The following GPR37 variants were observed in gnomAD, a reference collection of about 807,000 sequenced individuals.
The protein encoded by GPR37 is G protein-coupled receptor 37, also known as prosaposin receptor GPR37.
Under a neutral mutation model 43.6 loss-of-function variants are expected in GPR37, and 20 were observed. The observed-to-expected ratio is 0.46, with a 90% CI of 0.32 to 0.67. GPR37 has a LOEUF of 0.67. Among genes scored for constraint, GPR37 ranks in the 30% least tolerant of loss-of-function variants. The pLI, the probability that GPR37 is intolerant of heterozygous loss-of-function variation, is 0.03. For missense variants in GPR37, 724 were observed against 797.2 expected, an observed-to-expected ratio of 0.91 and a Z score of 1.11; for synonymous variants, 315 against 322.6, an observed-to-expected ratio of 0.98 and a Z score of 0.25.
rs1162999566 is a variant in GPR37 at position 124,764,247 on chromosome 7, G to T, written c.730C>A (p.Arg244Ser). 3 of 1,597,060 alleles carry T rather than the reference G, an allele frequency of 1.9e-6. No individual in the cohort carries two copies. Among genetic ancestry groups the T allele is most frequent in the African/African-American group, 1.3e-5 (1 of 74,432 alleles). ...TAGAAGGGGTTCTTCAGTCTCACAC[G>T]CCGGTTCGTGCTGTTTCCCCGGCGG... ...GPRRGNSTNR[R>S]VRLKNPFYPL... The change falls in exon 1 of 2, where the codon CGT becomes AGT. Residue 244 changes from arginine (R) to serine (S), a missense_variant. Physicochemically the swap from Arg to Ser is moderately radical, Grantham distance 110. This residue lies in a region of GPR37 where 382 missense variants were observed against 355.4 expected (regional missense o/e 1.07). Transcript: ENST00000303921. This position sits in a 1 kb window ranked among gnomAD's most constrained non-coding sequence, Gnocchi z 5.4.
chr7:124,760,877 G>A (rs926279382), intron 1 of GPR37, among the ~76,000 whole-genome samples: 27 of 152,202 alleles, frequency 1.8e-4, no homozygotes, highest in African/African-American at 5.8e-4. Flanking sequence ...GCTACTGTAA[G>A]CTGGGCGTGG....
At chr7:124,755,383 C>T (rs993154365) in intron 1 of GPR37, among the ~76,000 whole-genome samples, 2 of 152,174 alleles carry the variant, frequency 1.3e-5, no homozygotes, top group Non-Finnish European at 2.9e-5. Flanking sequence ...ACCTTCTCTT[C>T]TTTTGCCTAA....
Position 124,763,955 on chromosome 7 carries a change from T to C in GPR37, c.1022A>G (p.Glu341Gly), listed in dbSNP as rs751877590. Residue 341 changes from glutamate (E) to glycine (G), a missense_variant and splice_region_variant, in exon 1 of 2, where the codon GAG becomes GGG. Physicochemically the swap from Glu to Gly is moderately conservative, Grantham distance 98. Coordinates refer to ENST00000303921, the MANE Select transcript of GPR37 (RefSeq NM_005302.5). ...DFSCKIVPYI[E>G]VASLGVTTFT... ...TTGAGAGCCCCTGGAAGGCATTACC[T>C]CTATATAGGGCACGATCTTGCAGGA... The C allele has an allele frequency of 1.2e-6, 2 of 1,613,626 alleles. No individual in the cohort carries two copies. The highest frequency in any genetic ancestry group is 1.7e-6 in the Non-Finnish European group (2 of 1,179,940).
rs757049028 is a variant in GPR37 at position 124,746,969 on chromosome 7, C to G, written c.1398G>C (p.Ala466=). 8.7e-6 allele frequency: 14 copies of G among 1,613,896 alleles called. No homozygotes were observed. Among genetic ancestry groups the G allele is most frequent in the Non-Finnish European group, 1.2e-5 (14 of 1,179,962 alleles). ...LFTITCSLVT[A]RKIRKAEKAC... is the part of the protein sequence containing the mutation. ...CTTTCTCTGCTTTGCGGATTTTCCT[C>G]GCAGTCACTAGAGAGCAGGTGATGG... Residue 466 remains alanine, a synonymous_variant, in exon 2 of 2, where the codon GCG becomes GCC. Coordinates refer to ENST00000303921, the MANE Select transcript of GPR37 (RefSeq NM_005302.5).
At position 124,764,305 on chromosome 7, in the gene GPR37, G is replaced by C. The variant is rs145043476; in HGVS notation, c.672C>G (p.Ser224=). The change falls in exon 1 of 2, where the codon TCC becomes TCG. Residue 224 remains serine, a synonymous_variant. Coordinates refer to ENST00000303921, the MANE Select transcript of GPR37 (RefSeq NM_005302.5). The surrounding 1 kb of genome is among the most constrained non-coding windows in gnomAD (Gnocchi z 5.4). ...CAGGCTCATGGATTCCTTCACCCAA[G>C]GATCCATTCTGGGCCAGCGCCCGGC... ...LPGRALAQNG[S]LGEGIHEPGG... The C allele has an allele frequency of 8.1e-5, 130 of 1,606,414 alleles. No homozygotes were observed. In the African/African-American group the frequency reaches 1.6e-3, roughly 20 times the overall value.
intron 1 of GPR37, among the ~76,000 whole-genome samples, chr7:124,754,227 T>C (rs951895390): frequency 3.3e-5 from 5 of 152,168 alleles, no homozygotes; most frequent in Admixed American, 1.3e-4. Flanking sequence ...TGGGCTACCA[T>C]AGCCACTTTG....
At position 124,745,079 on chromosome 7, in the gene GPR37, C is replaced by A. The variant is rs1429169667; in HGVS notation, c.*1446G>T. The A allele has an allele frequency of 6.6e-6, 1 of 152,260 alleles. No homozygotes were observed. The highest frequency in any genetic ancestry group is 1.9e-4 in the East Asian group (1 of 5,172). 9.4% of individuals were successfully genotyped at this position (152,260 alleles called of 1,614,324 possible). ...AAAAAGGAGATAGCCTGGGCACTGC[C>A]ATTTAAGTTTCACCTGCACCAATCT... On this transcript the variant is annotated 3_prime_UTR_variant, in exon 2 of 2. Transcript: ENST00000303921.
chr7:124,754,490 G>A lies in GPR37; in HGVS notation c.1024-7147C>T, dbSNP rs185018847. ...TCCGGTACAAATCAGTGATAACACC[G>A]ATGGGAAAAGAAAAAACGAAACAGT... On this transcript the variant is annotated intron_variant, in intron 1 of 1. Transcript: ENST00000303921. 2.7e-5 allele frequency among the ~76,000 whole-genome samples: 4 copies of A among 147,302 alleles called. 1 individual carries two copies. Among genetic ancestry groups the A allele is most frequent in the Admixed American group, 2.1e-4 (3 of 14,498 alleles).
rs916547745 is a variant in GPR37, at chr7:124,744,463, A to G, written c.*2062T>C. The G allele has an allele frequency of 3.3e-5, 5 of 152,066 alleles. No homozygotes were observed. The highest frequency in any genetic ancestry group is 9.7e-5 in the African/African-American group (4 of 41,402). 9.4% of individuals were successfully genotyped at this position (152,066 alleles called of 1,614,324 possible). ...AAACTGGGCTGTTTATTCTTCAATC[A>G]CACCCACTGATTTCTTCTTCTATTC... On this transcript the variant is annotated 3_prime_UTR_variant, in exon 2 of 2. Transcript: ENST00000303921.
At chr7:124,763,890 C>T in intron 1 of GPR37, 64 bp downstream of exon 1, 1 of 1,420,894 alleles carries the variant, frequency 7.0e-7, no homozygotes, top group Non-Finnish European at 9.8e-7. Flanking sequence ...AGCAGCAGTT[C>T]TCTGATGCTA....
intron 1 of GPR37, among the ~76,000 whole-genome samples, chr7:124,755,182 C>T (rs1023886173): frequency 6.6e-6 from 1 of 152,156 alleles, no homozygotes; most frequent in Non-Finnish European, 1.5e-5. Flanking sequence ...CTGGCAGCCA[C>T]TGTTCCACAG....
intron 1 of GPR37, among the ~76,000 whole-genome samples, chr7:124,758,347 G>T (rs1199739445): frequency 6.6e-6 from 1 of 152,150 alleles, no homozygotes; most frequent in Non-Finnish European, 1.5e-5. Flanking sequence ...TAAAATATTT[G>T]TTCAGCACCA....
At chr7:124,748,123 G>T (rs1793693995) in intron 1 of GPR37, among the ~76,000 whole-genome samples, 1 of 152,068 alleles carries the variant, frequency 6.6e-6, no homozygotes. Context: ...GGGCCAATGT[G>T]GGTGGGGATT....
In GPR37 at chr7:124,760,438, G is replaced by A. The variant is rs535082239; in HGVS notation, c.1023+3516C>T. Among the ~76,000 whole-genome samples, 4 of 152,214 alleles carry A rather than the reference G, an allele frequency of 2.6e-5. No individual in the cohort carries two copies. The East Asian group carries it at 7.7e-4, about 29-fold the overall frequency. ...CCTATATAACTTTTTGGTCATTAAA[G>A]TCATCATGCTAGGCAAATTAAAAAG... On this transcript the variant is annotated intron_variant, in intron 1 of 1. Transcript: ENST00000303921.
At chr7:124,757,702 C>T (rs889916507) in intron 1 of GPR37, among the ~76,000 whole-genome samples, 2 of 152,104 alleles carry the variant, frequency 1.3e-5, no homozygotes, top group Non-Finnish European at 2.9e-5. Context: ...TTGTTCAAAC[C>T]TCTATTATAA....
rs1793655649 is a variant in GPR37 at position 124,745,121 on chromosome 7, A to G, written c.*1404T>C. 1 of 152,220 alleles carries G rather than the reference A, an allele frequency of 6.6e-6. No individual in the cohort carries two copies. Among genetic ancestry groups the G allele is most frequent in the Admixed American group, 6.5e-5 (1 of 15,274 alleles). The allele number at this position is 152,220 out of a possible 1,614,324, so 9.4% of individuals were successfully genotyped here. ...CACCAATCTCTTTAATGATTTTTAAATAACATCATGTTATAATTTGGAAAA... is the reference window on the plus strand; with the variant it reads ...CACCAATCTCTTTAATGATTTTTAAGTAACATCATGTTATAATTTGGAAAA... On this transcript the variant is annotated 3_prime_UTR_variant, in exon 2 of 2. Transcript: ENST00000303921.
chr7:124,765,648 T>A lies in GPR37; in HGVS notation c.-672A>T, dbSNP rs1162485610. The A allele has an allele frequency of 6.6e-6, 1 of 152,270 alleles. No homozygotes were observed. The highest frequency in any genetic ancestry group is 1.5e-5 in the Non-Finnish European group (1 of 68,068). The allele number at this position is 152,270 out of a possible 1,614,324, so 9.4% of individuals were successfully genotyped here. ...ACCCCGCGGCCACTGCCAAAGTTGC[T>A]TCTCCTCCAGCTCAAAGTTGACGAC... On this transcript the variant is annotated 5_prime_UTR_variant, in exon 1 of 2. It adds an upstream start codon to the 5' untranslated region. Transcript: ENST00000303921.
chr7:124,752,657 T>C (rs1793746470), intron 1 of GPR37, among the ~76,000 whole-genome samples: 1 of 152,178 alleles, frequency 6.6e-6, no homozygotes, highest in Admixed American at 6.5e-5. Context: ...GATGTCTAAC[T>C]AACTTTACAG....
rs767439352 is a variant in GPR37 at position 124,764,810 on chromosome 7, G to A, written c.167C>T (p.Ala56Val). 29 of 1,613,510 alleles carry A rather than the reference G, an allele frequency of 1.8e-5. 1 individual carries two copies. The Admixed American group carries it at 2.2e-4, about 12-fold the overall frequency. The change falls in exon 1 of 2, where the codon GCC becomes GTC. Residue 56 changes from alanine (A) to valine (V), a missense_variant. Around this residue, in one of 2 missense-constraint regions of GPR37, gnomAD observed 382 missense variants for 355.4 expected, o/e 1.07. Coordinates refer to ENST00000303921, the MANE Select transcript of GPR37 (RefSeq NM_005302.5). This position sits in a 1 kb window ranked among gnomAD's most constrained non-coding sequence, Gnocchi z 5.4. ...PTVIQRRGRDAWGPGNSARDV... is the reference protein window; with the variant it reads ...PTVIQRRGRDVWGPGNSARDV... ...TCTTGCAGAATTTCCCGGTCCCCAG[G>A]CGTCCCTGCCGCGGCGCTGGATCAC...
Sources: gnomAD v4.1 joint callset for allele counts (sites outside exome capture counted in the v4.1 genomes callset) on GRCh38, gnomAD v4.1.1 for gene constraint, gnomAD v4.1.1 regional missense constraint, Gnocchi (gnomAD v3.1) non-coding constraint, MANE v1.5 for transcripts, NCBI Gene and HGNC (gene_info 2026-07-23, HGNC 2026-07-21) for gene names.